RAD50: variants seen among roughly 807,000 people sequenced by gnomAD.
The protein encoded by RAD50 is DNA repair protein RAD50.
In RAD50, 132 loss-of-function variants were observed where a neutral mutation model predicts 168.8. The ratio of observed to expected loss-of-function variants is 0.78; its 90% confidence interval spans 0.68 to 0.90. RAD50 has a LOEUF of 0.90. RAD50 is among the 40% of genes least tolerant of loss of function. RAD50 has a pLI of 0.00. For synonymous variants in RAD50, 525 were observed against 497.4 expected (o/e 1.06, Z -0.74); for missense variants, 1,347 against 1,534.4 (o/e 0.88, Z 2.04).
chr5:132,560,128 G>A (rs1193915396), intron 2 of RAD50, among the ~76,000 whole-genome samples: 3 of 151,552 alleles, frequency 2.0e-5, no homozygotes, highest in African/African-American at 4.9e-5. Context: ...CTCTCTAGCC[G>A]CTCCCTGACC....
chr5:132,645,243 G>A lies in RAD50; in HGVS notation c.*2879G>A, dbSNP rs1038625918. On this transcript the variant is annotated 3_prime_UTR_variant, in exon 25 of 25. Transcript: ENST00000378823. ...TGAGATTTCAATCCATTGATTCTAT[G>A]GCTTTTTCACAGGTTGTTTCCCTGA... is the stretch of plus-strand genomic sequence containing the variant. 1.3e-5 allele frequency: 2 copies of A among 152,084 alleles called. No homozygotes were observed. The highest frequency in any genetic ancestry group is 2.9e-5 in the Non-Finnish European group (2 of 68,030). The allele number at this position is 152,084 out of a possible 1,614,324, so 9.4% of individuals were successfully genotyped here. A position where few individuals can be genotyped will look rare whatever the true frequency, so the allele number is the denominator to read the frequency against.
At chr5:132,611,270 A>C (rs1180694443) in intron 19 of RAD50, among the ~76,000 whole-genome samples, 1 of 152,160 alleles carries the variant, frequency 6.6e-6, no homozygotes, top group African/African-American at 2.4e-5. Flanking sequence ...ACGCGCCTGT[A>C]ATCCCAGGTA....
intron 10 of RAD50, among the ~76,000 whole-genome samples, 194 bp downstream of exon 10, chr5:132,591,600 T>C (rs984712538): frequency 1.3e-5 from 2 of 152,164 alleles, no homozygotes; most frequent in Non-Finnish European, 1.5e-5. Context: ...AATACAGAAA[T>C]GTATATATAT....
chr5:132,586,819 C>T (rs1750602112), intron 5 of RAD50, among the ~76,000 whole-genome samples: 1 of 152,062 alleles, frequency 6.6e-6, no homozygotes, highest in African/African-American at 2.4e-5. Context: ...ACTGTTATTG[C>T]ACCTGTGAAT....
intron 21 of RAD50, among the ~76,000 whole-genome samples, chr5:132,625,910 T>G (rs961625037): frequency 6.6e-6 from 1 of 152,160 alleles, no homozygotes; most frequent in Admixed American, 6.5e-5. Context: ...ACAACTTTTT[T>G]TTTTTTTTGA....
At chr5:132,628,330 G>T (rs1443223939) in intron 21 of RAD50, among the ~76,000 whole-genome samples, 4 of 152,198 alleles carry the variant, frequency 2.6e-5, no homozygotes, top group Non-Finnish European at 5.9e-5. Context: ...TAAATAAGCA[G>T]CTGGTGATGT....
intron 2 of RAD50, among the ~76,000 whole-genome samples, chr5:132,559,729 T>C (rs1750087023): frequency 2.0e-5 from 3 of 152,190 alleles, no homozygotes; most frequent in Admixed American, 2.0e-4. Context: ...GCATGAACAC[T>C]TTAGTAGTTA....
intron 21 of RAD50, among the ~76,000 whole-genome samples, chr5:132,632,868 A>G (rs1239090858): frequency 6.6e-6 from 1 of 152,164 alleles, no homozygotes; most frequent in Non-Finnish European, 1.5e-5. Context: ...TTGCACTTTA[A>G]TTTACATTTC....
rs1259750692 is a variant in RAD50, at chr5:132,595,390, G to C, written c.1970-183G>C. 7 of 503,800 alleles carry C rather than the reference G, an allele frequency of 1.4e-5. No individual in the cohort carries two copies. The East Asian group carries it at 2.4e-4, about 17-fold the overall frequency. 31.2% of individuals were successfully genotyped at this position (503,800 alleles called of 1,614,324 possible). On this transcript the variant is annotated intron_variant, in intron 12 of 24. Coordinates refer to ENST00000378823, the MANE Select transcript of RAD50 (RefSeq NM_005732.4). ...TACCAAAAAATATTTATACAAATCT[G>C]AATGTATCATGCTCTTTGGAAGCGA...
intron 2 of RAD50, 77 bp from the exon 3 acceptor site, chr5:132,575,700 T>C: frequency 1.4e-6 from 2 of 1,417,722 alleles, no homozygotes; most frequent in Non-Finnish European, 2.0e-6. Flanking sequence ...TGGGTAAGAT[T>C]GCTTATGCCT....
At chr5:132,638,735 C>T (rs1561659870) in intron 23 of RAD50, among the ~76,000 whole-genome samples, 1 of 152,140 alleles carries the variant, frequency 6.6e-6, no homozygotes, top group African/African-American at 2.4e-5. Context: ...CCACAGCATA[C>T]ACAAAGACTT....
Position 132,591,911 on chromosome 5 carries a change from C to G in RAD50, c.1670C>G (p.Ser557Cys), listed in dbSNP as rs1554098474. ...DKDEQIRKIK[S>C]RHSDELTSLL... ...GATGAACAAATCAGAAAAATAAAAT[C>G]TAGGCACAGTGATGAATTAACCTCA... The change falls in exon 11 of 25, where the codon TCT becomes TGT. Residue 557 changes from serine to cysteine, a missense_variant. Ser to Cys is a moderately radical substitution (Grantham distance 112). Transcript: ENST00000378823. 6.2e-7 allele frequency: 1 copy of G among 1,608,016 alleles called. No individual in the cohort carries two copies.
At chr5:132,613,806 A>G (rs1751129808) in intron 19 of RAD50, among the ~76,000 whole-genome samples, 1 of 152,028 alleles carries the variant, frequency 6.6e-6, no homozygotes, top group Non-Finnish European at 1.5e-5. Flanking sequence ...TATGTTGGCC[A>G]GGATGATCTC....
At chr5:132,618,864 C>T (rs1226793837) in intron 21 of RAD50, among the ~76,000 whole-genome samples, 1 of 152,220 alleles carries the variant, frequency 6.6e-6, no homozygotes, top group African/African-American at 2.4e-5. Context: ...TTGGCATCCA[C>T]TTAGATGCTC....
rs752489625 is a variant in RAD50 at position 132,589,782 on chromosome 5, A to C, written c.1397A>C (p.Gln466Pro). Residue 466 changes from glutamine (Q) to proline (P), a missense_variant, in exon 9 of 25, where the codon CAG becomes CCG. Physicochemically the swap from Gln to Pro is moderately conservative, Grantham distance 76. Around this residue, in one of 3 missense-constraint regions of RAD50, gnomAD observed 703 missense variants for 767.7 expected, o/e 0.92. Transcript: ENST00000378823. Reference protein sequence around the residue: ...ELKNVKYELQQLEGSSDRILE... With the variant: ...ELKNVKYELQPLEGSSDRILE... ...AAAAATGTGAAGTATGAATTACAGC[A>C]GTTGGAAGGATCTTCAGACAGGATT... is the stretch of plus-strand genomic sequence containing the variant. The C allele has an allele frequency of 5.6e-6, 9 of 1,613,784 alleles. No individual in the cohort carries two copies. Among genetic ancestry groups the C allele is most frequent in the Non-Finnish European group, 7.6e-6 (9 of 1,179,848 alleles).
chr5:132,605,028 A>G, intron 16 of RAD50, 29 bp downstream of exon 16: 1 of 1,435,488 alleles, frequency 7.0e-7, no homozygotes, highest in Non-Finnish European at 9.4e-7. Context: ...GTTTTTTGTA[A>G]AATTATTTTA....
At position 132,645,458 on chromosome 5, in the gene RAD50, C is replaced by T. The variant is rs1165875989; in HGVS notation, c.*3094C>T. The T allele has an allele frequency of 6.6e-6, 1 of 152,428 alleles. No individual in the cohort carries two copies. Among genetic ancestry groups the T allele is most frequent in the African/African-American group, 2.4e-5 (1 of 41,462 alleles). The allele number at this position is 152,428 out of a possible 1,614,324, so 9.4% of individuals were successfully genotyped here. On this transcript the variant is annotated 3_prime_UTR_variant, in exon 25 of 25. Coordinates refer to ENST00000378823, the MANE Select transcript of RAD50 (RefSeq NM_005732.4). Reference sequence around the variant, plus strand: ...CCTCATTTCCCTGGCCCCTCAATGTCACAGGTTTTAGTACTCAGAGTCTGC... The same window carrying T: ...CCTCATTTCCCTGGCCCCTCAATGTTACAGGTTTTAGTACTCAGAGTCTGC...
chr5:132,568,172 G>C (rs1750241318), intron 2 of RAD50, among the ~76,000 whole-genome samples: 1 of 152,040 alleles, frequency 6.6e-6, no homozygotes, highest in South Asian at 2.1e-4. Context: ...CCAGGTTCAG[G>C]CAATTTTCCT....
At chr5:132,598,311 A>G (rs1219382374) in intron 13 of RAD50, among the ~76,000 whole-genome samples, 4 of 152,034 alleles carry the variant, frequency 2.6e-5, no homozygotes, top group Non-Finnish European at 5.9e-5. Flanking sequence ...CAGCCTCCCA[A>G]AGTGCTGGGA....
Sources: gnomAD v4.1 joint callset for allele counts (sites outside exome capture counted in the v4.1 genomes callset) on GRCh38, gnomAD v4.1.1 for gene constraint, gnomAD v4.1.1 regional missense constraint, MANE v1.5 for transcripts, NCBI Gene and HGNC (gene_info 2026-07-23, HGNC 2026-07-21) for gene names.